Variants in EYS observed in about 807,000 individuals in gnomAD.
EYS encodes the protein EGF-like photoreceptor maintenance factor, also known as protein eyes shut homolog.
Under a neutral mutation model 282.1 loss-of-function variants are expected in EYS, and 250 were observed. The ratio of observed to expected loss-of-function variants is 0.89; its 90% CI spans 0.80 to 0.98. The LOEUF (loss-of-function observed/expected upper bound fraction) is 0.98, where lower values mean the gene tolerates loss of function less well. EYS is among the 50% of genes least tolerant of loss of function. EYS has a pLI of 0.00. For synonymous variants in EYS, 1,355 were observed against 1,282.9 expected, an observed-to-expected ratio of 1.06 and a Z score of -1.20; for missense variants, 4,016 against 3,709.0, an observed-to-expected ratio of 1.08 and a Z score of -2.15.
chr6:64,933,666 A>T (rs1768804696), intron 15 of EYS, among the ~76,000 whole-genome samples: 1 of 152,180 alleles, frequency 6.6e-6, no homozygotes, highest in Non-Finnish European at 1.5e-5. Context: ...TCATTCTACT[A>T]TAAAAACACA....
intron 1 of EYS, among the ~76,000 whole-genome samples, chr6:65,653,358 T>A (rs1273610278): frequency 5.3e-5 from 8 of 151,842 alleles, no homozygotes; most frequent in Non-Finnish European, 4.4e-5. Context: ...AATAACTTGA[T>A]AAAAAGAGTG....
intron 31 of EYS, among the ~76,000 whole-genome samples, chr6:64,147,122 T>G (rs1774545225): frequency 6.6e-6 from 1 of 152,128 alleles, no homozygotes; most frequent in South Asian, 2.1e-4. Flanking sequence ...ATTGCTGACT[T>G]GGGCTGATGG....
chr6:64,331,603 C>A (rs1320371317), intron 29 of EYS, among the ~76,000 whole-genome samples: 1 of 151,452 alleles, frequency 6.6e-6, no homozygotes, highest in Non-Finnish European at 1.5e-5. Context: ...GCCCCCCCGC[C>A]CGCCCAGTTC....
chr6:64,901,246 G>T (rs1033035100), intron 18 of EYS, among the ~76,000 whole-genome samples: 1 of 149,602 alleles, frequency 6.7e-6, no homozygotes, highest in East Asian at 2.0e-4. Context: ...GTCAGGGGTT[G>T]GGGGGCAAGG....
At chr6:65,171,521 C>T (rs941437190) in intron 12 of EYS, among the ~76,000 whole-genome samples, 6 of 151,000 alleles carry the variant, frequency 4.0e-5, no homozygotes, top group Non-Finnish European at 7.4e-5. Flanking sequence ...ACCCAAAATG[C>T]CAGATGCATA....
In EYS at chr6:65,586,887, C is replaced by T. The variant is rs192024166; in HGVS notation, c.-333+52891G>A. Among the ~76,000 whole-genome samples the T allele has an allele frequency of 8.6e-4, 131 of 151,992 alleles. 1 individual carries two copies. Among genetic ancestry groups the T allele is most frequent in the Admixed American group, 1.6e-3 (24 of 15,206 alleles). On this transcript the variant is annotated intron_variant, in intron 2 of 42. Transcript: ENST00000503581. ...GTATTTTTTCTGTTCAACTAAAATGCCTTAGTAATTTCAGTACGATTTTTT... is the reference window on the plus strand; with the variant it reads ...GTATTTTTTCTGTTCAACTAAAATGTCTTAGTAATTTCAGTACGATTTTTT...
At chr6:65,556,793 TTTATC>T (rs1171103139) in intron 2 of EYS, among the ~76,000 whole-genome samples, 1 of 152,164 alleles carries the variant, frequency 6.6e-6, no homozygotes, top group African/African-American at 2.4e-5. Context: ...TGCTGGTACT[TTTATC>T]TTGTCCAATG....
chr6:64,870,425 T>C (rs1007124587), intron 19 of EYS, among the ~76,000 whole-genome samples: 1,334 of 73,196 alleles, frequency 0.018, no homozygotes, highest in Middle Eastern at 0.038. Context: ...TCCTCCCCCC[T>C]CCAAAAAAAA....
At chr6:65,164,182 A>G (rs150062108) in intron 12 of EYS, among the ~76,000 whole-genome samples, 343 of 151,536 alleles carry the variant, frequency 2.3e-3, no homozygotes, top group East Asian at 0.012. Context: ...TATTTGCAAG[A>G]CTACAATCAT....
At chr6:64,550,247 T>C (rs1765029900) in intron 26 of EYS, among the ~76,000 whole-genome samples, 1 of 152,228 alleles carries the variant, frequency 6.6e-6, no homozygotes, top group South Asian at 2.1e-4. Flanking sequence ...TTTGGGTATA[T>C]ACCCAGTAAT....
intron 1 of EYS, among the ~76,000 whole-genome samples, chr6:65,701,573 C>G (rs192573584): frequency 6.6e-6 from 1 of 152,242 alleles, no homozygotes; most frequent in East Asian, 1.9e-4. Flanking sequence ...TCCTGACTAC[C>G]CAGTCTAAAA....
intron 16 of EYS, among the ~76,000 whole-genome samples, chr6:64,911,407 C>T (rs959574387): frequency 1.3e-5 from 2 of 152,040 alleles, no homozygotes; most frequent in Admixed American, 6.6e-5. Flanking sequence ...GTTTCTGTCA[C>T]GTATACAGGT....
intron 5 of EYS, among the ~76,000 whole-genome samples, chr6:65,447,639 T>A (rs975854023): frequency 2.6e-4 from 40 of 152,042 alleles, no homozygotes; most frequent in Admixed American, 1.1e-3. Context: ...AGAGTCTCCA[T>A]ATGTAAAGAT....
intron 14 of EYS, among the ~76,000 whole-genome samples, chr6:64,967,541 G>A (rs898799807): frequency 6.6e-6 from 1 of 151,830 alleles, no homozygotes; most frequent in Admixed American, 6.6e-5. Flanking sequence ...TGGTCTCGAA[G>A]TCCCGACCTC....
Position 64,972,164 on chromosome 6 carries a change from G to A in EYS, c.2259+25418C>T, listed in dbSNP as rs150243339. The stretch of plus-strand genomic sequence containing the variant: ...AGTGCCAGAAGATGAGAAAGAAGAC[G>A]TGGAAGAAGACATAGAAAAAGCATT... On this transcript the variant is annotated intron_variant, in intron 14 of 42. Coordinates refer to ENST00000503581, the MANE Select transcript of EYS (RefSeq NM_001142800.2). 6.6e-4 allele frequency among the ~76,000 whole-genome samples: 100 copies of A among 152,232 alleles called. No individual in the cohort carries two copies. The East Asian group carries it at 0.012, about 18-fold the overall frequency.
Position 64,024,824 on chromosome 6 carries a change from C to T in EYS, c.6726-25641G>A, listed in dbSNP as rs150878120. ...AGAAGGAAGAAACTCCAAACACATC[C>T]GAACATCAGAAGGAACAAACTCCCG... On this transcript the variant is annotated intron_variant, in intron 33 of 42. Transcript: ENST00000503581. Among the ~76,000 whole-genome samples, 327 of 152,158 alleles carry T rather than the reference C, an allele frequency of 2.1e-3. 1 individual carries two copies. Among genetic ancestry groups the T allele is most frequent in the African/African-American group, 7.2e-3 (299 of 41,548 alleles).
At chr6:65,301,653 A>G (rs1393615977) in intron 11 of EYS, among the ~76,000 whole-genome samples, 1 of 152,256 alleles carries the variant, frequency 6.6e-6, no homozygotes, top group Non-Finnish European at 1.5e-5. Flanking sequence ...TTATTCCGGT[A>G]TCCTACACCC....
At chr6:65,046,177 T>C (rs1378087924) in intron 13 of EYS, among the ~76,000 whole-genome samples, 1 of 151,894 alleles carries the variant, frequency 6.6e-6, no homozygotes, top group Non-Finnish European at 1.5e-5. Flanking sequence ...GCAACTCCTC[T>C]TAGGCTACAG....
At chr6:64,405,561 T>C (rs961236348) in intron 28 of EYS, among the ~76,000 whole-genome samples, 2 of 152,192 alleles carry the variant, frequency 1.3e-5, no homozygotes, top group African/African-American at 2.4e-5. Context: ...GATGACATGA[T>C]TGTATATTTA....
Sources: gnomAD v4.1 joint callset for allele counts (sites outside exome capture counted in the v4.1 genomes callset) on GRCh38, gnomAD v4.1.1 for gene constraint, MANE v1.5 for transcripts, NCBI Gene and HGNC (gene_info 2026-07-23, HGNC 2026-07-21) for gene names.